Variants in PCDHA13 observed in about 807,000 individuals in gnomAD.
PCDHA13 encodes protocadherin alpha 13, also known as protocadherin alpha-13.
In PCDHA13, 54 loss-of-function variants were observed where a neutral mutation model predicts 64.8. The ratio of observed to expected loss-of-function variants is 0.83; its 90% CI spans 0.67 to 1.04. The LOEUF is 1.04. Ranked by LOEUF, PCDHA13 falls within the 50% of genes least tolerant of loss-of-function variation. The pLI is 0.00. For missense variants in PCDHA13, 1,248 were observed against 1,254.3 expected (o/e 0.99, Z 0.08); for synonymous variants, 587 against 564.4 (o/e 1.04, Z -0.57).
At chr5:140,991,481 A>G (rs1272675537) in intron 3 of PCDHA13, among the ~76,000 whole-genome samples, 3 of 152,226 alleles carry the variant, frequency 2.0e-5, no homozygotes, top group Non-Finnish European at 2.9e-5. Flanking sequence ...TCTGGAAGTC[A>G]GAAGTCCACA....
intron 1 of PCDHA13, among the ~76,000 whole-genome samples, chr5:140,957,165 A>G (rs2095338056): frequency 6.6e-6 from 1 of 152,190 alleles, no homozygotes; most frequent in Non-Finnish European, 1.5e-5. Context: ...AAATCTAAGT[A>G]TATAAATTGG....
Position 140,884,445 on chromosome 5 carries a change from C to G in PCDHA13, c.2177C>G (p.Pro726Arg). 1 of 1,613,802 alleles carries G rather than the reference C, an allele frequency of 6.2e-7. No individual in the cohort carries two copies. The highest frequency in any genetic ancestry group is 8.5e-7 in the Non-Finnish European group (1 of 1,179,800). The change falls in exon 1 of 4, where the codon CCG becomes CGG. Residue 726 changes from proline to arginine, a missense_variant. Physicochemically the swap from Pro to Arg is moderately radical, Grantham distance 103. Transcript: ENST00000289272. Reference sequence around the variant, plus strand: ...TATACTGCGCTGCGGTGCTCGGCACCGCCCACCGAGGGCGCGTGCGCGCCG... The same window carrying G: ...TATACTGCGCTGCGGTGCTCGGCACGGCCCACCGAGGGCGCGTGCGCGCCG... Reference protein sequence around the residue: ...LLYTALRCSAPPTEGACAPGK... With the variant: ...LLYTALRCSARPTEGACAPGK...
Position 141,010,035 on chromosome 5 carries a change from G to A in PCDHA13, c.*98G>A. 7 of 1,582,518 alleles carry A rather than the reference G, an allele frequency of 4.4e-6. No individual in the cohort carries two copies. The South Asian group carries it at 7.1e-5, about 16-fold the overall frequency. ...CTGCTCCTTTTTCCTATCTACATGAGCCCTCTTAGAGACCTCAGAAATCTG... is the reference window on the plus strand; with the variant it reads ...CTGCTCCTTTTTCCTATCTACATGAACCCTCTTAGAGACCTCAGAAATCTG... On this transcript the variant is annotated 3_prime_UTR_variant, in exon 4 of 4. Coordinates refer to ENST00000289272, the MANE Select transcript of PCDHA13 (RefSeq NM_018904.3).
At chr5:140,944,438 C>T (rs1585166190) in intron 1 of PCDHA13, among the ~76,000 whole-genome samples, 2 of 152,154 alleles carry the variant, frequency 1.3e-5, no homozygotes, top group Non-Finnish European at 2.9e-5. Flanking sequence ...CTGCCTGCCT[C>T]GGCCTCCCAA....
intron 1 of PCDHA13, chr5:140,927,491 T>G (rs2084266726): frequency 1.2e-6 from 2 of 1,614,118 alleles, no homozygotes; most frequent in Non-Finnish European, 1.7e-6. Flanking sequence ...GCCACCCACC[T>G]GCTGGTGCTT....
At chr5:140,967,150 C>G (rs1400431511) in intron 1 of PCDHA13, 1 of 1,610,886 alleles carries the variant, frequency 6.2e-7, no homozygotes, top group African/African-American at 1.3e-5. Context: ...CGCACAACCC[C>G]GTGGCGGTGA....
chr5:140,926,068 G>A (rs2082901302), intron 1 of PCDHA13, among the ~76,000 whole-genome samples: 1 of 152,168 alleles, frequency 6.6e-6, no homozygotes, highest in African/African-American at 2.4e-5. Context: ...CCTCCTTGTC[G>A]TCTCTATTGC....
chr5:140,892,993 C>T (rs2063771968), intron 1 of PCDHA13, among the ~76,000 whole-genome samples: 1 of 152,170 alleles, frequency 6.6e-6, no homozygotes, highest in Non-Finnish European at 1.5e-5. Flanking sequence ...TAAGTGAGAA[C>T]ATGTATTTAT....
intron 1 of PCDHA13, among the ~76,000 whole-genome samples, chr5:140,964,434 G>A (rs1332567720): frequency 6.6e-6 from 1 of 152,104 alleles, no homozygotes; most frequent in Non-Finnish European, 1.5e-5. Context: ...AAATTACCAA[G>A]CCTCTGCCAC....
At position 140,883,521 on chromosome 5, in the gene PCDHA13, T is replaced by C; in HGVS notation, c.1253T>C (p.Val418Ala). 2 of 1,614,202 alleles carry C rather than the reference T, an allele frequency of 1.2e-6. No individual in the cohort carries two copies. Among genetic ancestry groups the C allele is most frequent in the Non-Finnish European group, 1.7e-6 (2 of 1,180,040 alleles). Residue 418 changes from valine (V) to alanine (A), a missense_variant, in exon 1 of 4, where the codon GTA becomes GCA. Val to Ala is a moderately conservative substitution (Grantham distance 64, BLOSUM62 0). Coordinates refer to ENST00000289272, the MANE Select transcript of PCDHA13 (RefSeq NM_018904.3). ...GACAGCGCCCTGGACCGCGAGAGCG[T>C]ATCAGCCTATGAACTGGTGGTGACC... ...VLDSALDRES[V>A]SAYELVVTAR...
chr5:141,000,499 C>T (rs2097942558), intron 3 of PCDHA13, among the ~76,000 whole-genome samples: 1 of 138,650 alleles, frequency 7.2e-6, no homozygotes, highest in African/African-American at 2.7e-5. Context: ...AAGATCTCGG[C>T]TCACTGCAAC....
At position 140,976,656 on chromosome 5, in the gene PCDHA13, C is replaced by T. The variant is rs551402825; in HGVS notation, c.2395-2293C>T. ...AATCAGACAAGTAATTTAATCTCTC[C>T]AAAGTTCAGATGTCTCATTTTTGCA... is the stretch of plus-strand genomic sequence containing the variant. On this transcript the variant is annotated intron_variant, in intron 1 of 3. Transcript: ENST00000289272. Among the ~76,000 whole-genome samples the T allele has an allele frequency of 3.3e-5, 5 of 152,272 alleles. No homozygotes were observed. The South Asian group carries it at 1.0e-3, about 32-fold the overall frequency.
intron 1 of PCDHA13, chr5:140,929,578 TA>T: frequency 2.2e-6 from 1 of 445,404 alleles, no homozygotes; most frequent in Non-Finnish European, 4.0e-6. Flanking sequence ...ATAAAAGTAA[TA>T]TGACATAAAG....
chr5:140,975,514 C>T (rs549258421), intron 1 of PCDHA13, among the ~76,000 whole-genome samples: 2 of 152,304 alleles, frequency 1.3e-5, no homozygotes, highest in African/African-American at 4.8e-5. Flanking sequence ...TATGCAAAAT[C>T]TGCAGTGGAT....
At chr5:141,007,395 C>CAAAAAAAAAAAAA (rs35800918) in intron 3 of PCDHA13, among the ~76,000 whole-genome samples, 1 of 94,866 alleles carries the variant, frequency 1.1e-5, no homozygotes. Flanking sequence ...TACTAAAATA[C>CAAAAAAAAAAAAA]AAAAAAAAAA....
intron 1 of PCDHA13, among the ~76,000 whole-genome samples, chr5:140,964,595 T>G (rs1233382494): frequency 6.6e-6 from 1 of 152,116 alleles, no homozygotes; most frequent in East Asian, 1.9e-4. Context: ...TCACTTTTCA[T>G]GACAACTTAC....
At chr5:141,000,377 C>G (rs1213637729) in intron 3 of PCDHA13, among the ~76,000 whole-genome samples, 1 of 58,954 alleles carries the variant, frequency 1.7e-5, no homozygotes, top group South Asian at 5.5e-4. Flanking sequence ...CTCTCTCTCT[C>G]TCTCTCTCTC....
intron 3 of PCDHA13, among the ~76,000 whole-genome samples, chr5:140,996,006 C>G (rs962825775): frequency 6.6e-6 from 1 of 152,204 alleles, no homozygotes; most frequent in Non-Finnish European, 1.5e-5. Context: ...GTCGTCAGAA[C>G]TATTACTACT....
At chr5:140,932,728 T>C (rs2088582843) in intron 1 of PCDHA13, among the ~76,000 whole-genome samples, 1 of 151,886 alleles carries the variant, frequency 6.6e-6, no homozygotes, top group African/African-American at 2.4e-5. Context: ...TTGTATAATA[T>C]AGACCCTCAA....
Sources: allele counts gnomAD v4.1 joint callset (sites outside exome capture counted in the v4.1 genomes callset), GRCh38; gene constraint gnomAD v4.1.1; transcripts MANE v1.5; gene names NCBI Gene and HGNC (gene_info 2026-07-23, HGNC 2026-07-21).